Variants in PIK3C2G observed in about 807,000 individuals in gnomAD.
PIK3C2G encodes the protein phosphatidylinositol 3-kinase C2 domain-containing subunit gamma.
In PIK3C2G, 168 loss-of-function variants were observed where a neutral mutation model predicts 181.1. That is an observed-to-expected ratio of 0.93 (90% CI 0.82 to 1.05). PIK3C2G has a LOEUF of 1.05. Ranked by LOEUF, PIK3C2G falls within the 50% of genes least tolerant of loss-of-function variation. PIK3C2G has a pLI of 0.00. For missense variants in PIK3C2G, 1,869 were observed against 1,732.8 expected, an observed-to-expected ratio of 1.08 and a Z score of -1.40; for synonymous variants, 573 against 592.2, an observed-to-expected ratio of 0.97 and a Z score of 0.47.
chr12:18,672,401 TGTGATCTCTGATTATGTAA>T, the PIK3C2G span, among the ~76,000 whole-genome samples: 1 of 152,118 alleles, frequency 6.6e-6, no homozygotes, highest in Non-Finnish European at 1.5e-5. Flanking sequence ...TCATTTAATG[TGTGATCTCTGATTATGTAA>T]GTTTCAAGAT....
In PIK3C2G at chr12:18,283,751, G is replaced by A. The variant is rs573758244; in HGVS notation, c.678+992G>A. Among the ~76,000 whole-genome samples the A allele has an allele frequency of 9.9e-5, 15 of 152,092 alleles. No individual in the cohort carries two copies. The East Asian group carries it at 2.9e-3, about 30-fold the overall frequency. Reference sequence around the variant, plus strand: ...AAATTAAAATTCAGTAAATCTTAGGGCTGTCTAGTTCTGATCACAATAGTG... The same window carrying A: ...AAATTAAAATTCAGTAAATCTTAGGACTGTCTAGTTCTGATCACAATAGTG... On this transcript the variant is annotated intron_variant, in intron 2 of 32. Transcript: ENST00000538779.
downstream of PIK3C2G, chr12:18,648,461 ATACTTATACC>A: frequency 5.3e-6 from 1 of 190,148 alleles, no homozygotes; most frequent in East Asian, 8.5e-5. Context: ...TAAATTATAT[ATACTTATACC>A]TACTCATAAT....
chr12:18,654,839 G>A, the PIK3C2G span, among the ~76,000 whole-genome samples: 2 of 152,038 alleles, frequency 1.3e-5, no homozygotes, highest in South Asian at 4.2e-4. Flanking sequence ...TCTTAATGTG[G>A]GACATTCTCA....
At chr12:18,457,636 GA>G (rs1947702194) in intron 18 of PIK3C2G, among the ~76,000 whole-genome samples, 1 of 151,912 alleles carries the variant, frequency 6.6e-6, no homozygotes, top group African/African-American at 2.4e-5. Context: ...TGCTGATTCT[GA>G]AACTCTTCAA....
At chr12:18,656,612 T>C in the PIK3C2G span, among the ~76,000 whole-genome samples, 1 of 151,986 alleles carries the variant, frequency 6.6e-6, no homozygotes, top group African/African-American at 2.4e-5. Flanking sequence ...TACATGCACC[T>C]GGTGTCCCAG....
At chr12:18,385,621 T>C (rs1943116549) in intron 14 of PIK3C2G, among the ~76,000 whole-genome samples, 1 of 152,044 alleles carries the variant, frequency 6.6e-6, no homozygotes, top group Non-Finnish European at 1.5e-5. Context: ...CAGGCTGGAG[T>C]GCAGTGGCGC....
intron 15 of PIK3C2G, among the ~76,000 whole-genome samples, chr12:18,391,968 A>C (rs1252003611): frequency 2.0e-5 from 3 of 152,240 alleles, no homozygotes; most frequent in South Asian, 2.1e-4. Flanking sequence ...TAAAGGTTTT[A>C]AACAAGGGAA....
At chr12:18,653,254 A>G (rs1488038695), downstream of PIK3C2G, among the ~76,000 whole-genome samples, 2 of 152,190 alleles carry the variant, frequency 1.3e-5, no homozygotes, top group Admixed American at 6.5e-5. Flanking sequence ...AGCCATCATT[A>G]GTCACATATT....
At chr12:18,434,128 G>A (rs989736652) in intron 18 of PIK3C2G, among the ~76,000 whole-genome samples, 1 of 152,174 alleles carries the variant, frequency 6.6e-6, no homozygotes, top group Non-Finnish European at 1.5e-5. Context: ...CTCTGCTTCC[G>A]AGATTGCACC....
chr12:18,658,662 C>T, the PIK3C2G span, among the ~76,000 whole-genome samples: 475 of 152,158 alleles, frequency 3.1e-3, 4 homozygotes, highest in African/African-American at 0.01. Flanking sequence ...ACCAGTTTTA[C>T]ATATATACAT....
At chr12:18,655,873 G>A in the PIK3C2G span, among the ~76,000 whole-genome samples, 1 of 152,116 alleles carries the variant, frequency 6.6e-6, no homozygotes. Flanking sequence ...AACTGTCACA[G>A]CCAAGAGGAG....
intron 32 of PIK3C2G, among the ~76,000 whole-genome samples, chr12:18,643,988 C>T (rs1274110664): frequency 6.6e-6 from 1 of 152,136 alleles, no homozygotes; most frequent in Non-Finnish European, 1.5e-5. Context: ...TCTTACAAAG[C>T]CTTTTGTGAA....
intron 11 of PIK3C2G, among the ~76,000 whole-genome samples, chr12:18,360,442 A>G (rs1340610158): frequency 6.6e-6 from 1 of 152,132 alleles, no homozygotes; most frequent in Non-Finnish European, 1.5e-5. Flanking sequence ...ATTTGTCTAT[A>G]TATTTACCTT....
chr12:18,610,626 A>G (rs2136603548), intron 31 of PIK3C2G, among the ~76,000 whole-genome samples: 1 of 152,190 alleles, frequency 6.6e-6, no homozygotes, highest in African/African-American at 2.4e-5. Context: ...TTTCTAATTA[A>G]AACAATTATT....
At chr12:18,633,343 A>G (rs1364137895) in intron 31 of PIK3C2G, among the ~76,000 whole-genome samples, 1 of 152,248 alleles carries the variant, frequency 6.6e-6, no homozygotes, top group Non-Finnish European at 1.5e-5. Context: ...CTAAGTGTTC[A>G]TTACAAAATA....
chr12:18,244,779 T>TA (rs1948022674), upstream of PIK3C2G, among the ~76,000 whole-genome samples: 1 of 151,476 alleles, frequency 6.6e-6, no homozygotes, highest in East Asian at 1.9e-4. Flanking sequence ...AACATTAATC[T>TA]CAGAAGTAAT....
chr12:18,427,985 CAT>C (rs759971843), intron 18 of PIK3C2G, among the ~76,000 whole-genome samples: 1 of 151,984 alleles, frequency 6.6e-6, no homozygotes, highest in Non-Finnish European at 1.5e-5. Context: ...CATAGGTAAA[CAT>C]GTGTCATGGG....
downstream of PIK3C2G, among the ~76,000 whole-genome samples, chr12:18,649,547 C>A (rs933969543): frequency 6.6e-6 from 1 of 152,188 alleles, no homozygotes; most frequent in African/African-American, 2.4e-5. Flanking sequence ...AATTGCTGAC[C>A]CACTACCCTG....
rs189806683 is a variant in PIK3C2G, at chr12:18,471,740, A to G, written c.2505-16709A>G. ...CCAAAAAAATTTATACTATTATTTG[A>G]TCCTTATAATGTAAGATCTTGTGTA... On this transcript the variant is annotated intron_variant, in intron 18 of 32. Coordinates refer to ENST00000538779, the MANE Select transcript of PIK3C2G (RefSeq NM_001288772.2). 3.7e-3 allele frequency among the ~76,000 whole-genome samples: 558 copies of G among 152,214 alleles called. 5 individuals are homozygous for G. Among genetic ancestry groups the G allele is most frequent in the African/African-American group, 0.012 (508 of 41,552 alleles).
Sources: gnomAD v4.1 joint callset for allele counts (sites outside exome capture counted in the v4.1 genomes callset) on GRCh38, gnomAD v4.1.1 for gene constraint, MANE v1.5 for transcripts, NCBI Gene and HGNC (gene_info 2026-07-23, HGNC 2026-07-21) for gene names.